The following LILRB2 variants were observed in gnomAD, a reference collection of about 807,000 sequenced individuals.
The protein encoded by LILRB2 is leukocyte immunoglobulin like receptor B2, also known as leukocyte immunoglobulin-like receptor subfamily B member 2.
Under a neutral mutation model 72.7 loss-of-function variants are expected in LILRB2, and 47 were observed. The ratio of observed to expected loss-of-function variants is 0.65; its 90% confidence interval spans 0.51 to 0.82. The LOEUF is 0.82. Among genes scored for constraint, LILRB2 ranks in the 40% least tolerant of loss-of-function variants. The pLI is 0.00. For synonymous variants in LILRB2, 279 were observed against 313.7 expected, an observed-to-expected ratio of 0.89 and a Z score of 1.17; for missense variants, 767 against 764.8, an observed-to-expected ratio of 1.00 and a Z score of -0.03.
At position 54,274,114 on chromosome 19, in the gene LILRB2, T is replaced by A. The variant is rs565432158; in HGVS notation, c.*569A>T. 1.3e-5 allele frequency: 2 copies of A among 152,502 alleles called. No homozygotes were observed. Among genetic ancestry groups the A allele is most frequent in the East Asian group, 3.9e-4 (2 of 5,140 alleles). 9.4% of individuals were successfully genotyped at this position (152,502 alleles called of 1,614,324 possible). On this transcript the variant is annotated 3_prime_UTR_variant, in exon 14 of 14. Transcript: ENST00000314446. ...CCATATGGAAATGCGTGCCTGCTCT[T>A]TCTTTCTCTTGCTCAATGTAGTTAG... is the stretch of plus-strand genomic sequence containing the variant.
In LILRB2 at chr19:54,275,982, T is replaced by A. The variant is rs767722182; in HGVS notation, c.1616A>T (p.Gln539Leu). Residue 539 changes from glutamine to leucine, a missense_variant, in exon 13 of 14, where the codon CAG becomes CTG. Physicochemically the swap from Gln to Leu is moderately radical, Grantham distance 113. Around this residue, in one of 3 missense-constraint regions of LILRB2, gnomAD observed 162 missense variants for 176.7 expected, o/e 0.92. Coordinates refer to ENST00000314446, the MANE Select transcript of LILRB2 (RefSeq NM_001080978.4). ...ENLYAAVKDT[Q>L]PEDGVEMDTR... The stretch of plus-strand genomic sequence containing the variant: ...GTCCATCTCCACCCCATCTTCAGGC[T>A]GTGTGTCCTTCACGGCAGCATCTGC... 6.2e-7 allele frequency: 1 copy of A among 1,614,136 alleles called. No homozygotes were observed. The highest frequency in any genetic ancestry group is 1.1e-5 in the South Asian group (1 of 91,090).
intron 13 of LILRB2, chr19:54,275,508 C>T (rs1403658308): frequency 3.9e-6 from 2 of 511,696 alleles, no homozygotes; most frequent in Non-Finnish European, 7.8e-6. Context: ...GGACATGGCG[C>T]ATTTATTTGC....
At chr19:54,276,563 T>A (rs927801579) in intron 10 of LILRB2, 107 bp from the exon 11 acceptor site, 29 of 1,412,250 alleles carry the variant, frequency 2.1e-5, no homozygotes, top group Middle Eastern at 4.8e-4. Flanking sequence ...CCTGCCTCCA[T>A]GTTCCAAATG....
chr19:54,277,825 G>C, intron 8 of LILRB2, 64 bp downstream of exon 8: 1 of 1,394,260 alleles, frequency 7.2e-7, no homozygotes, highest in South Asian at 1.2e-5. Context: ...GGATCCTCCT[G>C]GACACTCAAA....
chr19:54,279,946 G>A lies in LILRB2; in HGVS notation c.200C>T (p.Ala67Val), dbSNP rs1247655041. The change falls in exon 4 of 14, where the codon GCA becomes GTA. Residue 67 changes from alanine to valine, a missense_variant. Physicochemically the swap from Ala to Val is moderately conservative, Grantham distance 64. Coordinates refer to ENST00000314446, the MANE Select transcript of LILRB2 (RefSeq NM_001080978.4). ...TGGTCGTATCCGTGTAATCCAAGAT[G>A]CTGATTTTTTCTCCCTATATAGACG... is the stretch of plus-strand genomic sequence containing the variant. Reference protein sequence around the residue: ...EYRLYREKKSASWITRIRPEL... With the variant: ...EYRLYREKKSVSWITRIRPEL... 1.2e-6 allele frequency: 2 copies of A among 1,614,126 alleles called. No individual in the cohort carries two copies. Among genetic ancestry groups the A allele is most frequent in the East Asian group, 2.2e-5 (1 of 44,874 alleles).
chr19:54,278,310 T>A lies in LILRB2; in HGVS notation c.1208A>T (p.Asp403Val). 6.2e-7 allele frequency: 1 copy of A among 1,613,642 alleles called. No homozygotes were observed. The highest frequency in any genetic ancestry group is 8.5e-7 in the Non-Finnish European group (1 of 1,179,918). The change falls in exon 7 of 14, where the codon GAC (aspartate) becomes GTC (valine). Residue 403 changes from aspartate to valine, a missense_variant. Physicochemically the swap from Asp to Val is radical, Grantham distance 152 (BLOSUM62 -3). Around this residue, in one of 3 missense-constraint regions of LILRB2, gnomAD observed 599 missense variants for 568.2 expected, o/e 1.05. Coordinates refer to ENST00000314446, the MANE Select transcript of LILRB2 (RefSeq NM_001080978.4). Reference sequence around the variant, plus strand: ...ACTGGGGTGAGACAGCAGGTAGGGGTCGGAGTTGAGTGAGCCGTAGCACCT... The same window carrying A: ...ACTGGGGTGAGACAGCAGGTAGGGGACGGAGTTGAGTGAGCCGTAGCACCT... The part of the protein sequence containing the change: ...TYRCYGSLNS[D>V]PYLLSHPSEP...
At position 54,274,738 on chromosome 19, in the gene LILRB2, T is replaced by G. The variant is rs1246027089; in HGVS notation, c.1739A>C (p.Gln580Pro). The G allele has an allele frequency of 2.5e-6, 4 of 1,613,740 alleles. No homozygotes were observed. Among genetic ancestry groups the G allele is most frequent in the Admixed American group, 3.3e-5 (2 of 59,968 alleles). ...GGGCTCAGCTGGAGGTTCCCTTTCC[T>G]GGGATGGAGGAGGCTCAGTTGCCTT... Reference protein sequence around the residue: ...RRKATEPPPSQEREPPAEPSI... With the variant: ...RRKATEPPPSPEREPPAEPSI... Residue 580 changes from glutamine (Q) to proline (P), a missense_variant, in exon 14 of 14, where the codon CAG becomes CCG. Physicochemically the swap from Gln to Pro is moderately conservative, Grantham distance 76 (BLOSUM62 -1). Transcript: ENST00000314446.
intron 10 of LILRB2, 55 bp from the exon 11 acceptor site, chr19:54,276,511 G>A (rs2080236240): frequency 6.2e-6 from 8 of 1,300,234 alleles, no homozygotes; most frequent in Admixed American, 2.6e-5. Context: ...CCCCTGCCCT[G>A]CACACACAGC....
rs2080507555 is a variant in LILRB2 at position 54,280,630 on chromosome 19, G to C, written c.-48-86C>G. On this transcript the variant is annotated intron_variant, in intron 1 of 13. Transcript: ENST00000314446. The stretch of plus-strand genomic sequence containing the variant: ...ACTCAGAGGCTGGGTCCTTCTCATG[G>C]GGTGTTGTCATCTGCAGCCACACAA... 16 of 1,539,066 alleles carry C rather than the reference G, an allele frequency of 1.0e-5. No homozygotes were observed. In the East Asian group the frequency reaches 3.6e-4, roughly 35 times the overall value.
At position 54,278,554 on chromosome 19, in the gene LILRB2, G is replaced by T. The variant is rs768452192; in HGVS notation, c.964C>A (p.Arg322Ser). The change falls in exon 7 of 14, where the codon CGT (arginine) becomes AGT (serine). Residue 322 changes from arginine to serine, a missense_variant. Arg to Ser is a moderately radical substitution (Grantham distance 110). Coordinates refer to ENST00000314446, the MANE Select transcript of LILRB2 (RefSeq NM_001080978.4). Reference protein sequence around the residue: ...PLDILITGQIRGTPFISVQPG... With the variant: ...PLDILITGQISGTPFISVQPG... The stretch of plus-strand genomic sequence containing the variant: ...TGCACTGAGATGAAGGGTGTGCCAC[G>T]GATCTGTCCTGGAGAGAAGAAGGAT... 12 of 1,613,956 alleles carry T rather than the reference G, an allele frequency of 7.4e-6. No individual in the cohort carries two copies. The East Asian group carries it at 2.7e-4, about 36-fold the overall frequency.
At chr19:54,275,013 G>C in intron 13 of LILRB2, 184 bp from the exon 14 acceptor site, 1 of 1,609,076 alleles carries the variant, frequency 6.2e-7, no homozygotes, top group Non-Finnish European at 8.5e-7. Context: ...TAGGTCTGGA[G>C]TGTTTCACCG....
chr19:54,279,868 G>C lies in LILRB2; in HGVS notation c.278C>G (p.Thr93Arg), dbSNP rs1338081792. ...FHIPSITWEH[T>R]GRYGCQYYSR... ...GTAATACTGACAGCCATATCGCCCT[G>C]TGTGTTCCCAGGTGATGGATGGGAT... Residue 93 changes from threonine (T) to arginine (R), a missense_variant, in exon 4 of 14, where the codon ACA becomes AGA. Thr to Arg is a moderately conservative substitution (Grantham distance 71, BLOSUM62 -1). Coordinates refer to ENST00000314446, the MANE Select transcript of LILRB2 (RefSeq NM_001080978.4). 1 of 1,614,118 alleles carries C rather than the reference G, an allele frequency of 6.2e-7. No homozygotes were observed. The highest frequency in any genetic ancestry group is 8.5e-7 in the Non-Finnish European group (1 of 1,180,000).
rs1350747288 is a variant in LILRB2, at chr19:54,279,843, G to A, written c.303C>T (p.Tyr101=). The A allele has an allele frequency of 2.5e-6, 4 of 1,614,058 alleles. No homozygotes were observed. The African/African-American group carries it at 4.0e-5, about 16-fold the overall frequency. Residue 101 remains tyrosine (Y), a synonymous_variant, in exon 4 of 14, where the codon TAC becomes TAT. Coordinates refer to ENST00000314446, the MANE Select transcript of LILRB2 (RefSeq NM_001080978.4). ...EHTGRYGCQY[Y]SRARWSELSD... is the part of the protein sequence containing the mutation. ...TGAGCTCAGACCACCGAGCGCGGCT[G>A]TAATACTGACAGCCATATCGCCCTG...
intron 7 of LILRB2, 94 bp downstream of exon 7, chr19:54,278,166 C>T: frequency 2.0e-6 from 3 of 1,529,936 alleles, no homozygotes; most frequent in Admixed American, 1.9e-5. Flanking sequence ...CCCGCTCAGA[C>T]CCCCGCTCAC....
intron 1 of LILRB2, 180 bp from the exon 2 acceptor site, chr19:54,280,724 G>C (rs2080510760): frequency 8.6e-6 from 5 of 581,294 alleles, no homozygotes; most frequent in Non-Finnish European, 1.4e-5. Context: ...CAGGCACTGG[G>C]CCCTCTGCAG....
In LILRB2 at chr19:54,274,022, C is replaced by T. The variant is rs1282152659; in HGVS notation, c.*661G>A. The T allele has an allele frequency of 6.5e-6, 1 of 152,684 alleles. No homozygotes were observed. The highest frequency in any genetic ancestry group is 1.9e-4 in the East Asian group (1 of 5,210). The allele number at this position is 152,684 out of a possible 1,614,324, so 9.5% of individuals were successfully genotyped here. On this transcript the variant is annotated 3_prime_UTR_variant, in exon 14 of 14. Coordinates refer to ENST00000314446, the MANE Select transcript of LILRB2 (RefSeq NM_001080978.4). ...TTTCTAGTATATTGGTATAGGTTTG[C>T]AGCCTGTTCTGGGGTTAGTTTGTGA...
At position 54,273,901 on chromosome 19, in the gene LILRB2, C is replaced by T. The variant is rs551680575; in HGVS notation, c.*782G>A. ...ACACACACACATATATATACACACA[C>T]ATACACACACATTTAAAATGAGTCA... On this transcript the variant is annotated 3_prime_UTR_variant, in exon 14 of 14. Transcript: ENST00000314446. 1 of 152,230 alleles carries T rather than the reference C, an allele frequency of 6.6e-6. No homozygotes were observed. Among genetic ancestry groups the T allele is most frequent in the Non-Finnish European group, 1.5e-5 (1 of 68,120 alleles). The allele number at this position is 152,230 out of a possible 1,614,324, so 9.4% of individuals were successfully genotyped here. A position where few individuals can be genotyped will look rare whatever the true frequency, so the allele number is the denominator to read the frequency against.
rs372331023 is a variant in LILRB2 at position 54,274,677 on chromosome 19, T to A, written c.*6A>T. The A allele has an allele frequency of 3.1e-6, 5 of 1,612,192 alleles. No homozygotes were observed. Among genetic ancestry groups the A allele is most frequent in the Non-Finnish European group, 4.2e-6 (5 of 1,179,424 alleles). ...TACTGAGTGTGGAGTCTGCGTACCCTCCGGGCTAGTGGATGGCCAGGGTGG... is the reference window on the plus strand; with the variant it reads ...TACTGAGTGTGGAGTCTGCGTACCCACCGGGCTAGTGGATGGCCAGGGTGG... On this transcript the variant is annotated 3_prime_UTR_variant, in exon 14 of 14. Coordinates refer to ENST00000314446, the MANE Select transcript of LILRB2 (RefSeq NM_001080978.4).
rs45493893 is a variant in LILRB2 at position 54,280,183 on chromosome 19, A to T, written c.70+81T>A. ...CCCATCAGTCAGTCCAGAACTTCTAATCCCCATCCCCAGCTGCACGGAGGT... is the reference window on the plus strand; with the variant it reads ...CCCATCAGTCAGTCCAGAACTTCTATTCCCCATCCCCAGCTGCACGGAGGT... On this transcript the variant is annotated intron_variant, in intron 3 of 13. Coordinates refer to ENST00000314446, the MANE Select transcript of LILRB2 (RefSeq NM_001080978.4). 8,736 of 1,610,314 alleles carry T rather than the reference A, an allele frequency of 5.4e-3. 2 individuals carry two copies. In the South Asian group the frequency reaches 0.066, roughly 12 times the overall value.
Sources: gnomAD v4.1 joint callset for allele counts on GRCh38, gnomAD v4.1.1 for gene constraint, gnomAD v4.1.1 regional missense constraint, MANE v1.5 for transcripts, NCBI Gene and HGNC (gene_info 2026-07-23, HGNC 2026-07-21) for gene names.